The following FN3K variants were observed in gnomAD, a reference collection of about 807,000 sequenced individuals.
FN3K encodes the protein fructosamine 3 kinase.
FN3K carries 24 observed loss-of-function variants against 24.8 expected under a neutral mutation model. The ratio of observed to expected loss-of-function variants is 0.97; its 90% CI spans 0.70 to 1.36. FN3K has a LOEUF of 1.36. FN3K is among the 40% of genes most tolerant of loss of function. FN3K has a pLI of 0.00. For missense variants in FN3K, 449 were observed against 416.7 expected (o/e 1.08, Z -0.67); for synonymous variants, 192 against 175.2 (o/e 1.10, Z -0.76).
At chr17:82,738,909 A>AATATATAT in intron 2 of FN3K, among the ~76,000 whole-genome samples, 1 of 103,694 alleles carries the variant, frequency 9.6e-6, no homozygotes, top group Non-Finnish European at 1.9e-5. Context: ...GGCTGCATAA[A>AATATATAT]ATATATATAT....
At chr17:82,736,165 C>T in intron 1 of FN3K, 1 of 226,930 alleles carries the variant, frequency 4.4e-6, no homozygotes. Context: ...ACGGGCCAGG[C>T]CAGCGTTCTC....
intron 4 of FN3K, chr17:82,745,635 CAT>C (rs1204813839): frequency 1.3e-5 from 2 of 152,358 alleles, no homozygotes; most frequent in East Asian, 3.8e-4. Flanking sequence ...TATCCATTCA[CAT>C]GTGGATGGAT....
At chr17:82,739,438 C>T (rs1267512809) in intron 2 of FN3K, among the ~76,000 whole-genome samples, 1 of 150,708 alleles carries the variant, frequency 6.6e-6, no homozygotes, top group Non-Finnish European at 1.5e-5. Flanking sequence ...ACAGGCACCC[C>T]ACCACCTCAC....
At chr17:82,745,512 A>T (rs1490038966) in intron 4 of FN3K, 1 of 152,374 alleles carries the variant, frequency 6.6e-6, no homozygotes, top group African/African-American at 2.4e-5. Flanking sequence ...CACTCAGCAT[A>T]ATCATGCTGA....
intron 2 of FN3K, 21 bp from the exon 3 acceptor site, chr17:82,740,742 C>T (rs747913394): frequency 2.3e-5 from 36 of 1,559,360 alleles, no homozygotes; most frequent in African/African-American, 5.4e-5. Flanking sequence ...TTTTAATTAG[C>T]TGCATTTCTT....
At chr17:82,750,325 A>C in intron 5 of FN3K, 92 bp from the exon 6 acceptor site, 7 of 1,128,648 alleles carry the variant, frequency 6.2e-6, no homozygotes, top group South Asian at 1.3e-5. Flanking sequence ...ACCGAAGCAG[A>C]TCGCGAGTGG....
chr17:82,738,442 G>A, intron 1 of FN3K, 47 bp from the exon 2 acceptor site: 1 of 1,610,908 alleles, frequency 6.2e-7, no homozygotes, highest in South Asian at 1.1e-5. Context: ...GTGGGCAGAG[G>A]CCCTGGCTGA....
intron 4 of FN3K, among the ~76,000 whole-genome samples, chr17:82,746,069 G>C (rs1047691560): frequency 1.3e-5 from 2 of 149,438 alleles, no homozygotes; most frequent in African/African-American, 5.0e-5. Context: ...ACTCCAGCCT[G>C]GGCGACAGAG....
At position 82,748,023 on chromosome 17, in the gene FN3K, G is replaced by T. The variant is rs185437119; in HGVS notation, c.469-832G>T. On this transcript the variant is annotated intron_variant, in intron 4 of 5. Coordinates refer to ENST00000300784, the MANE Select transcript of FN3K (RefSeq NM_022158.4). ...CGTATTTTGAAGCTGTGTTATTAGA[G>T]GTGTAGGCATTTAGGATTATTATGT... Among the ~76,000 whole-genome samples the T allele has an allele frequency of 3.3e-5, 5 of 152,130 alleles. No individual in the cohort carries two copies. In the East Asian group the frequency reaches 9.6e-4, roughly 29 times the overall value.
intron 4 of FN3K, chr17:82,742,774 A>G (rs973247026): frequency 9.6e-5 from 43 of 445,838 alleles, no homozygotes; most frequent in South Asian, 4.8e-4. Context: ...AGCACCCATT[A>G]TATAAGAGCT....
At chr17:82,738,892 G>A (rs1281675038) in intron 2 of FN3K, among the ~76,000 whole-genome samples, 2 of 143,994 alleles carry the variant, frequency 1.4e-5, no homozygotes, top group Admixed American at 6.9e-5. Context: ...AAGTTTGGCT[G>A]TAATGAGGCT....
intron 1 of FN3K, 47 bp downstream of exon 1, chr17:82,735,824 C>T: frequency 6.6e-7 from 1 of 1,515,742 alleles, no homozygotes; most frequent in Admixed American, 2.0e-5. Flanking sequence ...TCTGCGGGGC[C>T]TGGGAAGGCG....
At chr17:82,749,091 C>A in intron 5 of FN3K, 114 bp downstream of exon 5, 1 of 1,491,462 alleles carries the variant, frequency 6.7e-7, no homozygotes, top group Non-Finnish European at 9.2e-7. Context: ...AGTCCTGGAG[C>A]ACACATCAGG....
intron 4 of FN3K, among the ~76,000 whole-genome samples, chr17:82,742,134 A>C (rs1037419451): frequency 1.3e-5 from 2 of 152,068 alleles, no homozygotes; most frequent in African/African-American, 4.8e-5. Flanking sequence ...CGAACTCCTG[A>C]CCTCAGGTGA....
intron 2 of FN3K, 148 bp downstream of exon 2, chr17:82,738,788 C>G (rs1328188998): frequency 5.1e-6 from 5 of 975,546 alleles, no homozygotes; most frequent in South Asian, 2.8e-5. Context: ...CACAACTGCC[C>G]GGTTATCAGA....
At chr17:82,738,967 C>T (rs557189008) in intron 2 of FN3K, among the ~76,000 whole-genome samples, 226 of 113,982 alleles carry the variant, frequency 2.0e-3, no homozygotes, top group Non-Finnish European at 3.3e-3. Flanking sequence ...TTTTGAAACA[C>T]AGTCTCGCTC....
chr17:82,750,959 CCCTGTCCA>C lies in FN3K; in HGVS notation c.*206_*213del, dbSNP rs2047031095. ...ATCCCTGTCCCCCGTCCCCCTGTCC[CCCTGTCCA>C]CATACCAATCCCCCTGTCCCCGACC... is the stretch of plus-strand genomic sequence containing the variant. On this transcript the variant is annotated 3_prime_UTR_variant, in exon 6 of 6. Coordinates refer to ENST00000300784, the MANE Select transcript of FN3K (RefSeq NM_022158.4). The C allele has an allele frequency of 1.1e-5, 3 of 264,886 alleles. No homozygotes were observed. The highest frequency in any genetic ancestry group is 6.3e-5 in the African/African-American group (1 of 15,882). The allele number at this position is 264,886 out of a possible 1,614,324, so 16.4% of individuals were successfully genotyped here. A position where few individuals can be genotyped will look rare whatever the true frequency, so the allele number is the denominator to read the frequency against.
intron 5 of FN3K, 79 bp downstream of exon 5, chr17:82,749,056 A>C: frequency 1.9e-6 from 3 of 1,592,218 alleles, no homozygotes; most frequent in Non-Finnish European, 2.6e-6. Flanking sequence ...TCATCTGTAA[A>C]ACGGAGCTGG....
chr17:82,749,349 G>T, intron 5 of FN3K: 1 of 353,928 alleles, frequency 2.8e-6, no homozygotes, highest in South Asian at 2.3e-5. Flanking sequence ...GGTACCAGAT[G>T]ATCCAGAATG....
Sources: allele counts gnomAD v4.1 joint callset (sites outside exome capture counted in the v4.1 genomes callset), GRCh38; gene constraint gnomAD v4.1.1; transcripts MANE v1.5; gene names NCBI Gene and HGNC (gene_info 2026-07-23, HGNC 2026-07-21).